AMZ1: variants seen among roughly 807,000 people sequenced by gnomAD.
AMZ1 encodes the protein archaemetzincin-1.
AMZ1 carries 39 observed loss-of-function variants against 29.9 expected under a neutral mutation model. The observed-to-expected ratio is 1.30, with a 90% CI of 1.01 to 1.70. The LOEUF (loss-of-function observed/expected upper bound fraction) is 1.70, where lower values mean the gene tolerates loss of function less well. AMZ1 is among the 40% of genes most tolerant of loss of function. The probability of loss-of-function intolerance (pLI) is 0.00; values close to 1 mark genes in which losing one functional copy is unlikely to be tolerated. For synonymous variants in AMZ1, 458 were observed against 304.0 expected, an observed-to-expected ratio of 1.51 and a Z score of -5.27; for missense variants, 1,041 against 680.6, an observed-to-expected ratio of 1.53 and a Z score of -5.89.
At chr7:2,723,584 A>G (rs1354975991), downstream of AMZ1, among the ~76,000 whole-genome samples, 1 of 152,166 alleles carries the variant, frequency 6.6e-6, no homozygotes, top group African/African-American at 2.4e-5. Context: ...GGGGTGCCAC[A>G]GTCTCGAGGG....
intron 4 of AMZ1, among the ~76,000 whole-genome samples, chr7:2,741,505 G>C (rs1790503017): frequency 6.6e-6 from 1 of 152,292 alleles, no homozygotes; most frequent in African/African-American, 2.4e-5. Flanking sequence ...TCTACTTTTT[G>C]GGGAAATTCA....
intron 3 of AMZ1, among the ~76,000 whole-genome samples, chr7:2,704,394 T>C (rs1329510431): frequency 6.6e-6 from 1 of 151,986 alleles, no homozygotes; most frequent in Non-Finnish European, 1.5e-5. Context: ...CTCAGCTACT[T>C]GGGAGGCTGA....
intron 4 of AMZ1, among the ~76,000 whole-genome samples, chr7:2,754,153 G>C (rs1791177764): frequency 6.6e-6 from 1 of 152,092 alleles, no homozygotes; most frequent in Non-Finnish European, 1.5e-5. Flanking sequence ...ATTTTCTATT[G>C]TATCTGTGTT....
chr7:2,719,260 C>T lies in AMZ1; in HGVS notation c.*6382C>T, dbSNP rs1461409876. On this transcript the variant is annotated 3_prime_UTR_variant, in exon 7 of 7. Transcript: ENST00000683327. ...CCTGCCATCCTCCGGCCGCCTCTCC[C>T]GCCTGCACCACTTGGAGGCAGTTGT... Among the ~76,000 whole-genome samples the T allele has an allele frequency of 3.3e-5, 5 of 152,214 alleles. No homozygotes were observed. The highest frequency in any genetic ancestry group is 7.3e-5 in the Non-Finnish European group (5 of 68,038).
In AMZ1 at chr7:2,716,919, G is replaced by A. The variant is rs542870847; in HGVS notation, c.*4041G>A. ...CCTCAGAAACGGCAGAGCGGAAGTT[G>A]AGGCGCAGTCTGTTCTTGCTTGAAC... On this transcript the variant is annotated 3_prime_UTR_variant, in exon 7 of 7. Coordinates refer to ENST00000683327, the MANE Select transcript of AMZ1 (RefSeq NM_001384743.1). Among the ~76,000 whole-genome samples, 12 of 152,358 alleles carry A rather than the reference G, an allele frequency of 7.9e-5. No homozygotes were observed. Among genetic ancestry groups the A allele is most frequent in the Middle Eastern group, 3.4e-3 (1 of 294 alleles).
chr7:2,762,940 C>T, upstream of AMZ1: 2 of 1,380,898 alleles, frequency 1.4e-6, no homozygotes, highest in Non-Finnish European at 1.9e-6. Context: ...CCAGACACTC[C>T]CGTGGGGCCC....
At chr7:2,722,825 T>G (rs1213403444), downstream of AMZ1, among the ~76,000 whole-genome samples, 1 of 151,914 alleles carries the variant, frequency 6.6e-6, no homozygotes, top group Non-Finnish European at 1.5e-5. Context: ...ATTTAAAAAT[T>G]AGCCAGGTGC....
chr7:2,750,198 G>A (rs1014359108), intron 4 of AMZ1, among the ~76,000 whole-genome samples: 9 of 152,136 alleles, frequency 5.9e-5, no homozygotes, highest in African/African-American at 2.2e-4. Flanking sequence ...TCACAGCAGC[G>A]ACACCGGCAA....
intron 4 of AMZ1, among the ~76,000 whole-genome samples, chr7:2,749,303 C>A (rs1405034594): frequency 6.6e-6 from 1 of 152,182 alleles, no homozygotes; most frequent in African/African-American, 2.4e-5. Context: ...AAATGTGCCA[C>A]ATATACACCA....
chr7:2,733,608 G>A (rs1038736930), intron 4 of AMZ1: 8 of 795,876 alleles, frequency 1.0e-5, no homozygotes, highest in Non-Finnish European at 1.5e-5. Context: ...GCCTCCGTGT[G>A]AATGGGAAAG....
chr7:2,744,408 G>T (rs1393846539), intron 4 of AMZ1, among the ~76,000 whole-genome samples: 1 of 152,360 alleles, frequency 6.6e-6, no homozygotes, highest in East Asian at 1.9e-4. Flanking sequence ...CAAGCAAACA[G>T]GGTCTGGAGT....
intron 4 of AMZ1, among the ~76,000 whole-genome samples, 153 bp downstream of exon 4, chr7:2,708,869 C>T: frequency 6.6e-6 from 1 of 152,220 alleles, no homozygotes; most frequent in East Asian, 1.9e-4. Context: ...CCTTCCAGCT[C>T]CTCCTGAGGA....
At chr7:2,728,462 G>C (rs1309858387) in intron 4 of AMZ1, 4 of 152,072 alleles carry the variant, frequency 2.6e-5, no homozygotes, top group Non-Finnish European at 4.4e-5. Context: ...CAAAATCCTT[G>C]AAACAATTTC....
intron 4 of AMZ1, among the ~76,000 whole-genome samples, chr7:2,737,269 G>GTTTTTTTTTTTTTTTTTTCTTTTTTTT (rs1317020597): frequency 2.6e-5 from 1 of 38,112 alleles, no homozygotes; most frequent in Non-Finnish European, 5.4e-5. Context: ...TCACAGTTTT[G>GTTTTTTTTTTTTTTTTTTCTTTTTTTT]TTTTGTTTTT....
At chr7:2,750,148 G>A (rs534951982) in intron 4 of AMZ1, among the ~76,000 whole-genome samples, 1 of 152,134 alleles carries the variant, frequency 6.6e-6, no homozygotes, top group Non-Finnish European at 1.5e-5. Context: ...AGACTCTCCG[G>A]TCTGACATGT....
chr7:2,761,639 G>T (rs1172769747), upstream of AMZ1, among the ~76,000 whole-genome samples: 2 of 152,104 alleles, frequency 1.3e-5, no homozygotes, highest in South Asian at 2.1e-4. Flanking sequence ...CTCTCAGGAC[G>T]GAACCCAAAG....
upstream of AMZ1, chr7:2,762,557 T>C (rs757793197): frequency 7.2e-7 from 1 of 1,396,700 alleles, no homozygotes; most frequent in Non-Finnish European, 9.6e-7. Context: ...TGGAGTTAGA[T>C]CCAATGACAT....
At chr7:2,686,649 T>G (rs1244472082), upstream of AMZ1, among the ~76,000 whole-genome samples, 2 of 152,164 alleles carry the variant, frequency 1.3e-5, no homozygotes, top group East Asian at 3.9e-4. Flanking sequence ...GTCTTCTTTT[T>G]GTTTTTATTT....
chr7:2,726,904 C>G (rs1276508086), intron 4 of AMZ1, among the ~76,000 whole-genome samples: 1 of 152,216 alleles, frequency 6.6e-6, no homozygotes, highest in Non-Finnish European at 1.5e-5. Context: ...GAACCTCCAC[C>G]TGCCATCCCC....
Sources: allele counts gnomAD v4.1 joint callset (sites outside exome capture counted in the v4.1 genomes callset), GRCh38; gene constraint gnomAD v4.1.1; transcripts MANE v1.5; gene names NCBI Gene and HGNC (gene_info 2026-07-23, HGNC 2026-07-21).